CLPTM1L: variants seen among roughly 807,000 people sequenced by gnomAD.
The protein encoded by CLPTM1L is lipid scramblase CLPTM1L.
CLPTM1L carries 38 observed loss-of-function variants against 70.9 expected under a neutral mutation model. That is an observed-to-expected ratio of 0.54 (90% CI 0.41 to 0.70). The LOEUF is 0.70. CLPTM1L is among the 30% of genes least tolerant of loss of function. The pLI is 0.00. For missense variants in CLPTM1L, 652 were observed against 705.9 expected (o/e 0.92, Z 0.87); for synonymous variants, 339 against 299.9 (o/e 1.13, Z -1.35).
chr5:1,340,385 G>A (rs1054774121), intron 3 of CLPTM1L, among the ~76,000 whole-genome samples: 3 of 152,238 alleles, frequency 2.0e-5, no homozygotes, highest in African/African-American at 4.8e-5. Flanking sequence ...GACTGACAGG[G>A]AAATCTTAGC....
intron 15 of CLPTM1L, 45 bp from the exon 16 acceptor site, chr5:1,320,776 T>C (rs948660475): frequency 5.1e-6 from 6 of 1,184,872 alleles, no homozygotes; most frequent in Non-Finnish European, 7.2e-6. Flanking sequence ...TTGCTGGGGC[T>C]GGAATCCTAC....
Position 1,342,039 on chromosome 5 carries a change from T to TGTGTGTCC in CLPTM1L, c.264-180_264-179insGGACACAC, listed in dbSNP as rs3222913. ...GTGTGTGTGTGTGTGTGTGTGTGTG[T>TGTGTGTCC]GCACGCGCACGCGTGCGCGTCCTGA... On this transcript the variant is annotated intron_variant, in intron 2 of 16. Coordinates refer to ENST00000320895, the MANE Select transcript of CLPTM1L (RefSeq NM_030782.5). The surrounding 1 kb of genome is among the most constrained non-coding windows in gnomAD (Gnocchi z 4.3). Among the ~76,000 whole-genome samples the TGTGTGTCC allele has an allele frequency of 2.0e-5, 3 of 148,976 alleles. No homozygotes were observed. Among genetic ancestry groups the TGTGTGTCC allele is most frequent in the African/African-American group, 5.0e-5 (2 of 39,664 alleles).
intron 1 of CLPTM1L, 47 bp downstream of exon 1, chr5:1,344,633 A>T (rs1754160708): frequency 6.5e-7 from 1 of 1,532,892 alleles, no homozygotes. Context: ...CCTGGAGGAG[A>T]GGCCCCCACC....
chr5:1,343,329 T>C (rs1490381956), intron 2 of CLPTM1L, among the ~76,000 whole-genome samples: 1 of 152,138 alleles, frequency 6.6e-6, no homozygotes, highest in Non-Finnish European at 1.5e-5. Context: ...CAGGGCTGTG[T>C]ATTTCTGGTG....
intron 13 of CLPTM1L, 75 bp from the exon 14 acceptor site, chr5:1,321,894 A>G (rs1752179144): frequency 1.4e-6 from 2 of 1,412,950 alleles, no homozygotes; most frequent in South Asian, 1.2e-5. Flanking sequence ...GGCACTCACG[A>G]GGTGTGGAGG....
chr5:1,318,764 G>C lies in CLPTM1L; in HGVS notation c.1533-311C>G, dbSNP rs918833945. ...GGAGGCTGCACGGGCTGCCTTCTGG[G>C]AACGGTGGCATCACGGAGACTCGAG... On this transcript the variant is annotated intron_variant, in intron 16 of 16. Transcript: ENST00000320895. The surrounding 1 kb of genome is among the most constrained non-coding windows in gnomAD (Gnocchi z 8.9). 1.3e-5 allele frequency among the ~76,000 whole-genome samples: 2 copies of C among 152,170 alleles called. No individual in the cohort carries two copies. Among genetic ancestry groups the C allele is most frequent in the East Asian group, 1.9e-4 (1 of 5,192 alleles).
In CLPTM1L at chr5:1,344,345, C is replaced by T; in HGVS notation, c.263+6G>A. The T allele has an allele frequency of 3.8e-6, 6 of 1,597,226 alleles. No individual in the cohort carries two copies. Among genetic ancestry groups the T allele is most frequent in the Non-Finnish European group, 5.2e-6 (6 of 1,164,666 alleles). Reference sequence around the variant, plus strand: ...CTTTCACTGGCATTTTGTCCTACGCCCATACCTTTCAAATTTGGACTCCAC... The same window carrying T: ...CTTTCACTGGCATTTTGTCCTACGCTCATACCTTTCAAATTTGGACTCCAC... On this transcript the variant is annotated splice_donor_region_variant and intron_variant, in intron 2 of 16. Coordinates refer to ENST00000320895, the MANE Select transcript of CLPTM1L (RefSeq NM_030782.5).
At chr5:1,335,513 G>A (rs1463096573) in intron 5 of CLPTM1L, among the ~76,000 whole-genome samples, 1 of 152,256 alleles carries the variant, frequency 6.6e-6, no homozygotes, top group Non-Finnish European at 1.5e-5. Flanking sequence ...CCAGCTGCTA[G>A]GACTCCATGG....
chr5:1,332,968 G>A (rs1362731548), intron 7 of CLPTM1L, among the ~76,000 whole-genome samples: 3 of 151,690 alleles, frequency 2.0e-5, no homozygotes, highest in East Asian at 1.9e-4. Context: ...TGAGAACAAG[G>A]GGGGACTACT....
intron 2 of CLPTM1L, among the ~76,000 whole-genome samples, chr5:1,343,538 T>C (rs1022981058): frequency 6.6e-5 from 10 of 152,222 alleles, no homozygotes; most frequent in African/African-American, 1.4e-4. Context: ...CTGAGCATTT[T>C]TGAAAGGTGT....
In CLPTM1L at chr5:1,340,728, TTCTC is replaced by T. The variant is rs1395884333; in HGVS notation, c.453+939_453+942del. Among the ~76,000 whole-genome samples, 5 of 152,312 alleles carry T rather than the reference TTCTC, an allele frequency of 3.3e-5. No homozygotes were observed. The South Asian group carries it at 6.2e-4, about 19-fold the overall frequency. Reference sequence around the variant, plus strand: ...CCCATCAACTCCGAGAGACCTCTCTTTCTCTCTGTCTGGAACAATTTCACAGCCT... The same window carrying T: ...CCCATCAACTCCGAGAGACCTCTCTTTCTGTCTGGAACAATTTCACAGCCT... On this transcript the variant is annotated intron_variant, in intron 3 of 16. Coordinates refer to ENST00000320895, the MANE Select transcript of CLPTM1L (RefSeq NM_030782.5).
chr5:1,327,400 C>T (rs1244710739), intron 9 of CLPTM1L, among the ~76,000 whole-genome samples: 6 of 146,770 alleles, frequency 4.1e-5, no homozygotes, highest in African/African-American at 1.5e-4. Flanking sequence ...TCTACAGGCA[C>T]ATTCCATCCA....
chr5:1,344,867 G>A lies in CLPTM1L; in HGVS notation c.-26C>T. On this transcript the variant is annotated 5_prime_UTR_variant, in exon 1 of 17. Transcript: ENST00000320895. ...GGCGGCCCCGCGCCCGGCGCCCCCG[G>A]CCCGCCCGCCTCTCAGCCGCGAGCC... 7.3e-7 allele frequency: 1 copy of A among 1,375,782 alleles called. No individual in the cohort carries two copies. Among genetic ancestry groups the A allele is most frequent in the South Asian group, 1.5e-5 (1 of 65,946 alleles). 85.2% of individuals were successfully genotyped at this position (1,375,782 alleles called of 1,614,324 possible). A position where few individuals can be genotyped will look rare whatever the true frequency, so the allele number is the denominator to read the frequency against.
chr5:1,340,745 A>C (rs888530898), intron 3 of CLPTM1L, among the ~76,000 whole-genome samples: 1 of 152,164 alleles, frequency 6.6e-6, no homozygotes, highest in South Asian at 2.1e-4. Flanking sequence ...TGTCTGGAAC[A>C]ATTTCACAGC....
In CLPTM1L at chr5:1,318,537, T is replaced by C. The variant is rs1751966201; in HGVS notation, c.1533-84A>G. 1 of 1,130,898 alleles carries C rather than the reference T, an allele frequency of 8.8e-7. No homozygotes were observed. The allele number at this position is 1,130,898 out of a possible 1,614,324, so 70.1% of individuals were successfully genotyped here. A position where few individuals can be genotyped will look rare whatever the true frequency, so the allele number is the denominator to read the frequency against. On this transcript the variant is annotated intron_variant, in intron 16 of 16. Coordinates refer to ENST00000320895, the MANE Select transcript of CLPTM1L (RefSeq NM_030782.5). The surrounding 1 kb of genome is among the most constrained non-coding windows in gnomAD (Gnocchi z 8.9). The stretch of plus-strand genomic sequence containing the variant: ...AGGAGGACTTGGCATCCTCGATTTA[T>C]TTTCCAGTGAGCTGCCACAGTGAGC...
At position 1,324,856 on chromosome 5, in the gene CLPTM1L, G is replaced by A. The variant is rs760302366; in HGVS notation, c.1147-43C>T. The A allele has an allele frequency of 4.0e-5, 63 of 1,573,684 alleles. No individual in the cohort carries two copies. The Admixed American group carries it at 1.0e-3, about 25-fold the overall frequency. Reference sequence around the variant, plus strand: ...ACAGTGATATTAATAGACTCAGGGAGGATCTGAGCACAGCTGAGCTGTGAC... The same window carrying A: ...ACAGTGATATTAATAGACTCAGGGAAGATCTGAGCACAGCTGAGCTGTGAC... On this transcript the variant is annotated intron_variant, in intron 10 of 16. Coordinates refer to ENST00000320895, the MANE Select transcript of CLPTM1L (RefSeq NM_030782.5).
At chr5:1,326,570 GCTC>G (rs1752568132) in intron 9 of CLPTM1L, 1 of 260,160 alleles carries the variant, frequency 3.8e-6, no homozygotes, top group South Asian at 3.8e-5. Context: ...ATTCCATCCA[GCTC>G]CTCCTCTACA....
chr5:1,338,411 G>C (rs142714870), intron 4 of CLPTM1L: 5 of 273,050 alleles, frequency 1.8e-5, no homozygotes, highest in Non-Finnish European at 3.5e-5. Context: ...CAGGAGTTGG[G>C]GGGGGGATCC....
chr5:1,330,683 A>T, intron 8 of CLPTM1L: 1 of 412,424 alleles, frequency 2.4e-6, no homozygotes, highest in East Asian at 4.0e-5. Flanking sequence ...GGGCCAGCAC[A>T]GCTTTGCTTC....
Sources: gnomAD v4.1 joint callset for allele counts (sites outside exome capture counted in the v4.1 genomes callset) on GRCh38, gnomAD v4.1.1 for gene constraint, Gnocchi (gnomAD v3.1) non-coding constraint, MANE v1.5 for transcripts, NCBI Gene and HGNC (gene_info 2026-07-23, HGNC 2026-07-21) for gene names.